The following AKAIN1 variants were observed in gnomAD, a reference collection of about 807,000 sequenced individuals.
The protein encoded by AKAIN1 is A-kinase anchor protein inhibitor 1.
In AKAIN1, 3 loss-of-function variants were observed where a neutral mutation model predicts 3.7. The ratio of observed to expected loss-of-function variants is 0.82; its 90% CI spans 0.37 to 2.12. AKAIN1 has a LOEUF of 2.12. AKAIN1 is among the 30% of genes most tolerant of loss of function. The probability of loss-of-function intolerance (pLI) is 0.06; values close to 1 mark genes in which losing one functional copy is unlikely to be tolerated. For missense variants in AKAIN1, 82 were observed against 82.7 expected (o/e 0.99, Z 0.03); for synonymous variants, 31 against 30.8 (o/e 1.01, Z -0.02).
chr18:5,194,856 G>A (rs189009919), intron 1 of AKAIN1, among the ~76,000 whole-genome samples: 384 of 152,242 alleles, frequency 2.5e-3, no homozygotes, highest in African/African-American at 8.1e-3. Flanking sequence ...GAAAGAAAGG[G>A]GTGGGAGTGT....
intron 1 of AKAIN1, among the ~76,000 whole-genome samples, chr18:5,189,992 C>T (rs1046698581): frequency 2.6e-5 from 4 of 152,076 alleles, no homozygotes; most frequent in South Asian, 2.1e-4. Flanking sequence ...GTGATTTATG[C>T]GGACAAGAAA....
intron 1 of AKAIN1, among the ~76,000 whole-genome samples, chr18:5,194,819 T>C (rs2071338863): frequency 1.3e-5 from 2 of 152,216 alleles, no homozygotes; most frequent in Admixed American, 1.3e-4. Flanking sequence ...ACCCTGTTTC[T>C]TCCCTTTCTG....
At chr18:5,168,191 C>T (rs2071177273) in intron 1 of AKAIN1, among the ~76,000 whole-genome samples, 1 of 152,084 alleles carries the variant, frequency 6.6e-6, no homozygotes, top group Admixed American at 6.6e-5. Flanking sequence ...GAGTAGTCTC[C>T]AAGCAGCACT....
At chr18:5,163,867 G>A (rs572064167) in intron 1 of AKAIN1, 1 of 152,194 alleles carries the variant, frequency 6.6e-6, no homozygotes, top group South Asian at 2.1e-4. Flanking sequence ...CGATATGTGT[G>A]TTCAGAAGGC....
intron 1 of AKAIN1, among the ~76,000 whole-genome samples, chr18:5,154,687 G>A (rs1461197799): frequency 6.6e-6 from 1 of 151,882 alleles, no homozygotes; most frequent in Non-Finnish European, 1.5e-5. Context: ...CTCCTCCCTC[G>A]CCAACCCCTT....
At position 5,143,074 on chromosome 18, in the gene AKAIN1, A is replaced by G. The variant is rs2143296273; in HGVS notation, c.*2488T>C. 6.6e-6 allele frequency among the ~76,000 whole-genome samples: 1 copy of G among 152,356 alleles called. No homozygotes were observed. Among genetic ancestry groups the G allele is most frequent in the South Asian group, 2.1e-4 (1 of 4,826 alleles). The stretch of plus-strand genomic sequence containing the variant: ...TGTGTATGCAGTAAATCAGAAAGAT[A>G]AAGGACACTAAGTAAATGTTCCCAC... On this transcript the variant is annotated 3_prime_UTR_variant, in exon 2 of 2. Transcript: ENST00000434239.
rs529663274 is a variant in AKAIN1, at chr18:5,188,878, G to C, written c.16+8160C>G. Among the ~76,000 whole-genome samples, 61 of 152,276 alleles carry C rather than the reference G, an allele frequency of 4.0e-4. No individual in the cohort carries two copies. In the South Asian group the frequency reaches 4.8e-3, roughly 12 times the overall value. ...CCAGCAGGTTAATAAAGGCTTGCCT[G>C]AACTTGGGTCTCCTCTCTCTTTTGT... On this transcript the variant is annotated intron_variant, in intron 1 of 1. Transcript: ENST00000434239.
Position 5,152,922 on chromosome 18 carries a change from G to A in AKAIN1, c.17-7167C>T, listed in dbSNP as rs1231765152. On this transcript the variant is annotated intron_variant, in intron 1 of 1. Coordinates refer to ENST00000434239, the MANE Select transcript of AKAIN1 (RefSeq NM_001145194.2). ...GAGGTATCAGAGCCTTTTTCTGATA[G>A]TAAAGCAGCCATGTTTCCTCATATC... is the stretch of plus-strand genomic sequence containing the variant. Among the ~76,000 whole-genome samples the A allele has an allele frequency of 2.0e-5, 3 of 152,192 alleles. No individual in the cohort carries two copies. The East Asian group carries it at 5.8e-4, about 29-fold the overall frequency.
chr18:5,191,597 T>C (rs911509471), intron 1 of AKAIN1, among the ~76,000 whole-genome samples: 7 of 152,106 alleles, frequency 4.6e-5, no homozygotes, highest in African/African-American at 1.7e-4. Context: ...AAATTCCATC[T>C]AAATTTAGGC....
In AKAIN1 at chr18:5,145,590, TC is replaced by T; in HGVS notation, c.181del (p.Glu61SerfsTer2). 5 of 1,551,556 alleles carry T rather than the reference TC, an allele frequency of 3.2e-6. No homozygotes were observed. The highest frequency in any genetic ancestry group is 4.4e-6 in the Non-Finnish European group (5 of 1,146,924). On this transcript the variant is annotated frameshift_variant, in exon 2 of 2. Transcript: ENST00000434239. LOFTEE classifies it high-confidence loss of function. Reference protein sequence around the residue: ...NRDHIQLGVGELTKKHEKK With the variant: ...NRDHIQLGVGXLTKKHEKK Reference sequence around the variant, plus strand: ...CTTCTTTTCGTGCTTCTTGGTTAACTCCCCAACGCCCAGTTGGATGTGGTCC... The same window carrying T: ...CTTCTTTTCGTGCTTCTTGGTTAACTCCCAACGCCCAGTTGGATGTGGTCC...
At chr18:5,181,234 G>C (rs1328073404) in intron 1 of AKAIN1, among the ~76,000 whole-genome samples, 1 of 152,150 alleles carries the variant, frequency 6.6e-6, no homozygotes, top group African/African-American at 2.4e-5. Context: ...TGAGGCTACA[G>C]TGAGCTGTGA....
intron 1 of AKAIN1, among the ~76,000 whole-genome samples, chr18:5,183,872 A>G (rs1313871148): frequency 6.6e-6 from 1 of 152,108 alleles, no homozygotes; most frequent in Non-Finnish European, 1.5e-5. Flanking sequence ...ATTCATTAAC[A>G]TTGATTTCAC....
rs185836131 is a variant in AKAIN1 at position 5,143,972 on chromosome 18, T to C, written c.*1590A>G. Among the ~76,000 whole-genome samples, 31 of 152,352 alleles carry C rather than the reference T, an allele frequency of 2.0e-4. No individual in the cohort carries two copies. In the East Asian group the frequency reaches 5.6e-3, roughly 27 times the overall value. Reference sequence around the variant, plus strand: ...ACCTTCATTCTCACTATGTATGCTATGCAATTATATCACATCAGTTATATG... The same window carrying C: ...ACCTTCATTCTCACTATGTATGCTACGCAATTATATCACATCAGTTATATG... On this transcript the variant is annotated 3_prime_UTR_variant, in exon 2 of 2. Coordinates refer to ENST00000434239, the MANE Select transcript of AKAIN1 (RefSeq NM_001145194.2).
At chr18:5,193,552 AT>A (rs1429805977) in intron 1 of AKAIN1, among the ~76,000 whole-genome samples, 1 of 152,184 alleles carries the variant, frequency 6.6e-6, no homozygotes, top group East Asian at 1.9e-4. Context: ...AGAGTCTGGA[AT>A]TCTTTGGGTG....
At chr18:5,190,277 T>G (rs1292970897) in intron 1 of AKAIN1, among the ~76,000 whole-genome samples, 3 of 152,172 alleles carry the variant, frequency 2.0e-5, no homozygotes, top group Non-Finnish European at 4.4e-5. Flanking sequence ...CAACTAAATT[T>G]CAACATGAGT....
At chr18:5,194,302 C>A (rs2071336521) in intron 1 of AKAIN1, among the ~76,000 whole-genome samples, 1 of 152,052 alleles carries the variant, frequency 6.6e-6, no homozygotes, top group African/African-American at 2.4e-5. Flanking sequence ...AAATTATAGT[C>A]TATTAATAAT....
chr18:5,196,261 C>T (rs292284), intron 1 of AKAIN1, among the ~76,000 whole-genome samples: 140,047 of 152,304 alleles, frequency 0.92, 64,435 homozygotes, highest in East Asian at 0.98. Flanking sequence ...ACGTTCACAA[C>T]GACCACGCTT....
At position 5,145,617 on chromosome 18, in the gene AKAIN1, C is replaced by T; in HGVS notation, c.155G>A (p.Arg52Gln). The T allele has an allele frequency of 1.9e-6, 3 of 1,551,668 alleles. No homozygotes were observed. Among genetic ancestry groups the T allele is most frequent in the Non-Finnish European group, 2.6e-6 (3 of 1,146,954 alleles). The stretch of plus-strand genomic sequence containing the variant: ...CCCAACGCCCAGTTGGATGTGGTCC[C>T]GGTTGTCACTGATTCTCTCTTCTCT... The part of the protein sequence containing the change: ...QRREERISDN[R>Q]DHIQLGVGEL... The change falls in exon 2 of 2, where the codon CGG becomes CAG. Residue 52 changes from arginine to glutamine, a missense_variant. Physicochemically the swap from Arg to Gln is conservative, Grantham distance 43. Coordinates refer to ENST00000434239, the MANE Select transcript of AKAIN1 (RefSeq NM_001145194.2).
At chr18:5,187,660 C>T (rs900541010) in intron 1 of AKAIN1, among the ~76,000 whole-genome samples, 2 of 152,114 alleles carry the variant, frequency 1.3e-5, no homozygotes, top group Non-Finnish European at 1.5e-5. Context: ...AAAGGTCCCC[C>T]CTCTTAATGT....
Sources: gnomAD v4.1 joint callset for allele counts (sites outside exome capture counted in the v4.1 genomes callset) on GRCh38, gnomAD v4.1.1 for gene constraint, MANE v1.5 for transcripts, NCBI Gene and HGNC (gene_info 2026-07-23, HGNC 2026-07-21) for gene names.